The following KCNJ6 variants were observed in gnomAD, a reference collection of about 807,000 sequenced individuals.
The protein encoded by KCNJ6 is G protein-activated inward rectifier potassium channel 2.
KCNJ6 carries 9 observed loss-of-function variants against 34.2 expected under a neutral mutation model. That is an observed-to-expected ratio of 0.26 (90% confidence interval 0.16 to 0.46). The LOEUF (loss-of-function observed/expected upper bound fraction) is 0.46. Among genes scored for constraint, KCNJ6 ranks in the 20% least tolerant of loss-of-function variants. KCNJ6 has a pLI of 1.00. For synonymous variants in KCNJ6, 196 were observed against 207.1 expected, an observed-to-expected ratio of 0.95 and a Z score of 0.46; for missense variants, 236 against 531.3, an observed-to-expected ratio of 0.44 and a Z score of 5.46.
At chr21:37,685,673 T>C (rs1348756946) in intron 3 of KCNJ6, among the ~76,000 whole-genome samples, 1 of 42,252 alleles carries the variant, frequency 2.4e-5, no homozygotes, top group African/African-American at 1.1e-4. Flanking sequence ...AGAGTGAGAC[T>C]CTGTCTCCAA....
chr21:37,621,567 G>A lies in KCNJ6; in HGVS notation c.*3592C>T, dbSNP rs2123358180. 6.6e-6 allele frequency: 1 copy of A among 152,354 alleles called. No homozygotes were observed. Among genetic ancestry groups the A allele is most frequent in the Admixed American group, 6.5e-5 (1 of 15,304 alleles). 9.4% of individuals were successfully genotyped at this position (152,354 alleles called of 1,614,324 possible). The stretch of plus-strand genomic sequence containing the variant: ...GAAGTCATGAATAATTTTTAAATTG[G>A]AGTGCAGTGAAAAATAGACATTTCA... On this transcript the variant is annotated 3_prime_UTR_variant, in exon 4 of 4. Coordinates refer to ENST00000609713, the MANE Select transcript of KCNJ6 (RefSeq NM_002240.5).
At chr21:37,752,469 A>G (rs1411530547) in intron 2 of KCNJ6, among the ~76,000 whole-genome samples, 1 of 152,214 alleles carries the variant, frequency 6.6e-6, no homozygotes, top group Non-Finnish European at 1.5e-5. Context: ...AGAAGCCAAC[A>G]GCAGCAAAAG....
At chr21:37,809,387 AGG>A (rs947177038) in intron 2 of KCNJ6, among the ~76,000 whole-genome samples, 1 of 146,780 alleles carries the variant, frequency 6.8e-6, no homozygotes, top group African/African-American at 2.5e-5. Flanking sequence ...GGGTGGGGAG[AGG>A]GGGGAGGGAT....
chr21:37,728,649 A>G (rs2054867878), intron 2 of KCNJ6, among the ~76,000 whole-genome samples: 1 of 151,970 alleles, frequency 6.6e-6, no homozygotes, highest in African/African-American at 2.4e-5. Context: ...ATTTATAACC[A>G]GTTACTAGTT....
rs2054250571 is a variant in KCNJ6, at chr21:37,613,615, G to A, written c.*11544C>T. On this transcript the variant is annotated 3_prime_UTR_variant, in exon 4 of 4. Transcript: ENST00000609713. ...AAAGTGAGCTCTCAAGCCATAAAAAGATATGAGGGAAACTTAAATGCATGT... is the reference window on the plus strand; with the variant it reads ...AAAGTGAGCTCTCAAGCCATAAAAAAATATGAGGGAAACTTAAATGCATGT... 6.6e-6 allele frequency: 1 copy of A among 152,194 alleles called. No homozygotes were observed. The highest frequency in any genetic ancestry group is 1.5e-5 in the Non-Finnish European group (1 of 68,028). 9.4% of individuals were successfully genotyped at this position (152,194 alleles called of 1,614,324 possible).
At chr21:37,795,658 T>C (rs879236073) in intron 2 of KCNJ6, among the ~76,000 whole-genome samples, 2 of 147,906 alleles carry the variant, frequency 1.4e-5, no homozygotes, top group Non-Finnish European at 3.0e-5. Context: ...GGCAGGAGAA[T>C]GGCGAGAACC....
In KCNJ6 at chr21:37,621,943, T is replaced by G. The variant is rs2054291198; in HGVS notation, c.*3216A>C. 1 of 152,214 alleles carries G rather than the reference T, an allele frequency of 6.6e-6. No homozygotes were observed. Among genetic ancestry groups the G allele is most frequent in the African/African-American group, 2.4e-5 (1 of 41,466 alleles). 9.4% of individuals were successfully genotyped at this position (152,214 alleles called of 1,614,324 possible). A position where few individuals can be genotyped will look rare whatever the true frequency, so the allele number is the denominator to read the frequency against. ...TTATTGGTTCCATAAAGTTGATTTA[T>G]AAATGAATGGGTGCTCTTCCAGTTG... On this transcript the variant is annotated 3_prime_UTR_variant, in exon 4 of 4. Coordinates refer to ENST00000609713, the MANE Select transcript of KCNJ6 (RefSeq NM_002240.5).
intron 2 of KCNJ6, among the ~76,000 whole-genome samples, chr21:37,779,251 C>T (rs908134557): frequency 1.2e-4 from 18 of 152,270 alleles, no homozygotes; most frequent in African/African-American, 4.3e-4. Context: ...ACAGGACCTC[C>T]TGTGGTATTA....
At chr21:37,802,351 A>T (rs983229149) in intron 2 of KCNJ6, among the ~76,000 whole-genome samples, 2 of 151,308 alleles carry the variant, frequency 1.3e-5, no homozygotes, top group Non-Finnish European at 3.0e-5. Context: ...CATGGTGAAA[A>T]GGTCTTGCAG....
At chr21:37,739,705 A>G (rs2054930536) in intron 2 of KCNJ6, among the ~76,000 whole-genome samples, 1 of 151,970 alleles carries the variant, frequency 6.6e-6, no homozygotes, top group Admixed American at 6.6e-5. Context: ...TTTGTGCCTG[A>G]TTGGAGAAGC....
rs1026588345 is a variant in KCNJ6, at chr21:37,618,918, CATTT to C, written c.*6237_*6240del. ...CCAAGTAAAAGTTTGACTCCTTTTACATTTATTTAAGTTTTATGGTGTTGAACTT... is the reference window on the plus strand; with the variant it reads ...CCAAGTAAAAGTTTGACTCCTTTTACATTTAAGTTTTATGGTGTTGAACTT... On this transcript the variant is annotated 3_prime_UTR_variant, in exon 4 of 4. Transcript: ENST00000609713. The C allele has an allele frequency of 2.8e-4, 42 of 152,210 alleles. No homozygotes were observed. Among genetic ancestry groups the C allele is most frequent in the African/African-American group, 8.2e-4 (34 of 41,456 alleles). 9.4% of individuals were successfully genotyped at this position (152,210 alleles called of 1,614,324 possible). A position where few individuals can be genotyped will look rare whatever the true frequency, so the allele number is the denominator to read the frequency against.
intron 1 of KCNJ6, among the ~76,000 whole-genome samples, chr21:37,898,096 C>T (rs2055798034): frequency 6.6e-6 from 1 of 152,160 alleles, no homozygotes; most frequent in Non-Finnish European, 1.5e-5. Flanking sequence ...GATGAAGTAT[C>T]CGTGTGGGAA....
intron 2 of KCNJ6, among the ~76,000 whole-genome samples, chr21:37,727,629 G>A (rs1163175195): frequency 1.3e-5 from 2 of 152,118 alleles, no homozygotes; most frequent in African/African-American, 2.4e-5. Flanking sequence ...AGGGATAGTC[G>A]GGTGTTTGAT....
intron 3 of KCNJ6, among the ~76,000 whole-genome samples, chr21:37,665,216 AAGAG>A (rs2123402078): frequency 6.6e-6 from 1 of 152,330 alleles, no homozygotes; most frequent in African/African-American, 2.4e-5. Flanking sequence ...TGCAGCAAGC[AAGAG>A]AAAGGTTCAC....
chr21:37,873,922 C>G (rs926739228), intron 1 of KCNJ6, among the ~76,000 whole-genome samples: 1 of 152,168 alleles, frequency 6.6e-6, no homozygotes, highest in African/African-American at 2.4e-5. Context: ...CAGTCCTTCC[C>G]ATCAGCTGTT....
At chr21:37,767,223 TGAGAAAGATGG>T (rs1218437716) in intron 2 of KCNJ6, among the ~76,000 whole-genome samples, 2 of 152,106 alleles carry the variant, frequency 1.3e-5, no homozygotes, top group Non-Finnish European at 2.9e-5. Flanking sequence ...TTTGTCTAGG[TGAGAAAGATGG>T]GAGACAGAGG....
intron 2 of KCNJ6, among the ~76,000 whole-genome samples, chr21:37,736,767 C>T (rs558154884): frequency 1.3e-5 from 2 of 152,284 alleles, no homozygotes; most frequent in East Asian, 1.9e-4. Flanking sequence ...CAGCCTGCAG[C>T]GCTGACAACC....
At chr21:37,844,347 G>A (rs3787852) in intron 1 of KCNJ6, among the ~76,000 whole-genome samples, 77,883 of 151,810 alleles carry the variant, frequency 0.51, 20,140 homozygotes, top group East Asian at 0.67. Flanking sequence ...CTGAGCCACC[G>A]TGCCCGGCCT....
chr21:37,768,676 G>T (rs2055102763), intron 2 of KCNJ6, among the ~76,000 whole-genome samples: 1 of 152,188 alleles, frequency 6.6e-6, no homozygotes, highest in Non-Finnish European at 1.5e-5. Flanking sequence ...ACTCTTAGAT[G>T]TAGCTATCAT....
Sources: gnomAD v4.1 joint callset for allele counts (sites outside exome capture counted in the v4.1 genomes callset) on GRCh38, gnomAD v4.1.1 for gene constraint, MANE v1.5 for transcripts, NCBI Gene and HGNC (gene_info 2026-07-23, HGNC 2026-07-21) for gene names.